Variants in PAFAH2 observed in about 807,000 individuals in gnomAD.
PAFAH2 encodes platelet activating factor acetylhydrolase 2.
Under a neutral mutation model 49.0 loss-of-function variants are expected in PAFAH2, and 42 were observed. The observed-to-expected ratio is 0.86, with a 90% CI of 0.67 to 1.11. The LOEUF (loss-of-function observed/expected upper bound fraction) is 1.11. Ranked by LOEUF, PAFAH2 falls within the 50% of genes least tolerant of loss-of-function variation. The pLI is 0.00. For missense variants in PAFAH2, 503 were observed against 501.8 expected, an observed-to-expected ratio of 1.00 and a Z score of -0.02; for synonymous variants, 184 against 181.3, an observed-to-expected ratio of 1.01 and a Z score of -0.12.
At chr1:25,983,786 A>G (rs2049733101) in intron 6 of PAFAH2, among the ~76,000 whole-genome samples, 160 bp downstream of exon 6, 1 of 152,178 alleles carries the variant, frequency 6.6e-6, no homozygotes, top group African/African-American at 2.4e-5. Flanking sequence ...AGCAATTGCA[A>G]GAGTCCTGAT....
chr1:25,996,326 C>T (rs949084654), intron 1 of PAFAH2, among the ~76,000 whole-genome samples: 6 of 152,180 alleles, frequency 3.9e-5, no homozygotes, highest in African/African-American at 1.4e-4. Context: ...GATTGTGCCA[C>T]TGCACTTCGG....
intron 7 of PAFAH2, among the ~76,000 whole-genome samples, chr1:25,977,756 C>A (rs1285075245): frequency 6.6e-6 from 1 of 152,002 alleles, no homozygotes; most frequent in East Asian, 1.9e-4. Context: ...TAAGGGCCAC[C>A]TCCATCCTCT....
At position 25,984,516 on chromosome 1, in the gene PAFAH2, T is replaced by C; in HGVS notation, c.354A>G (p.Ser118=). 1.2e-6 allele frequency: 2 copies of C among 1,613,546 alleles called. No homozygotes were observed. The highest frequency in any genetic ancestry group is 1.7e-6 in the Non-Finnish European group (2 of 1,179,650). The change falls in exon 5 of 11, where the codon TCA becomes TCG. Residue 118 remains serine (S), a synonymous_variant. Coordinates refer to ENST00000374282, the MANE Select transcript of PAFAH2 (RefSeq NM_000437.4). ...GTGAGGCCAGCTCCATGCAGAAGGC[T>C]GAATACAAAGTCCTGGAGATTCAAA... ...HGLGAFRTLY[S]AFCMELASRG...
rs1438445044 is a variant in PAFAH2 at position 25,979,716 on chromosome 1, C to T, written c.666+2648G>A. ...TGCTGGCCAGGCTGGTCTCGAACTC[C>T]TGACCTAAGGTGGTCCGCCCGCCTC... On this transcript the variant is annotated intron_variant, in intron 7 of 10. Transcript: ENST00000374282. 2.0e-5 allele frequency among the ~76,000 whole-genome samples: 3 copies of T among 152,296 alleles called. No homozygotes were observed. In the East Asian group the frequency reaches 5.8e-4, roughly 29 times the overall value.
At chr1:25,972,224 T>C (rs894308977) in intron 10 of PAFAH2, among the ~76,000 whole-genome samples, 1 of 151,742 alleles carries the variant, frequency 6.6e-6, no homozygotes, top group African/African-American at 2.4e-5. Context: ...GCCTCTCGAG[T>C]AGCTGGGACT....
intron 9 of PAFAH2, 111 bp downstream of exon 9, chr1:25,974,369 T>G (rs1199439791): frequency 6.3e-6 from 5 of 789,670 alleles, no homozygotes; most frequent in Admixed American, 6.8e-5. Flanking sequence ...CAGGAAGTAT[T>G]CAGGTATCCT....
chr1:25,977,820 G>A (rs891504167), intron 7 of PAFAH2, among the ~76,000 whole-genome samples: 2 of 152,128 alleles, frequency 1.3e-5, no homozygotes, highest in African/African-American at 2.4e-5. Flanking sequence ...GGACTGAGCT[G>A]AGGGTGAAAC....
In PAFAH2 at chr1:25,965,792, T is replaced by G. The variant is rs1173244417; in HGVS notation, c.1085-3709A>C. 3.6e-5 allele frequency among the ~76,000 whole-genome samples: 4 copies of G among 110,952 alleles called. No homozygotes were observed. The Admixed American group carries it at 4.0e-4, about 11-fold the overall frequency. The allele number at this position is 110,952 out of a possible 152,430, so 72.8% of individuals were successfully genotyped here. ...GAGATCACACCACTGCACTCCAGCC[T>G]GGGTGACAGAGCAAGACTTTGTCTC... is the stretch of plus-strand genomic sequence containing the variant. On this transcript the variant is annotated intron_variant, in intron 10 of 10. Transcript: ENST00000374282.
At chr1:25,973,189 T>C (rs2049536377) in intron 9 of PAFAH2, among the ~76,000 whole-genome samples, 1 of 152,198 alleles carries the variant, frequency 6.6e-6, no homozygotes, top group Non-Finnish European at 1.5e-5. Flanking sequence ...CTTGCCTTTA[T>C]TTAAACAATC....
At chr1:25,991,781 T>A (rs957022094) in intron 1 of PAFAH2, among the ~76,000 whole-genome samples, 2 of 151,962 alleles carry the variant, frequency 1.3e-5, no homozygotes, top group African/African-American at 4.8e-5. Flanking sequence ...TAGTCCCAGC[T>A]ACTCAGGAAG....
chr1:25,972,711 CA>C lies in PAFAH2; in HGVS notation c.930del (p.Gly311ValfsTer13). The C allele has an allele frequency of 6.2e-7, 1 of 1,613,898 alleles. No individual in the cohort carries two copies. Among genetic ancestry groups the C allele is most frequent in the Non-Finnish European group, 8.5e-7 (1 of 1,179,822 alleles). Reference sequence around the variant, plus strand: ...TCAGTTTGACTCCGATGAACAGAACCACTAGGGGAAAAGAAAAACAACTGGC... The same window carrying C: ...TCAGTTTGACTCCGATGAACAGAACCCTAGGGGAAAAGAAAAACAACTGGC... ...QHEQSRIITV[L>X]GSVHRSQTDF... On this transcript the variant is annotated frameshift_variant and splice_region_variant, in exon 10 of 11. Transcript: ENST00000374282. LOFTEE classifies it high-confidence loss of function.
chr1:25,965,120 C>A (rs1375239037), intron 10 of PAFAH2, among the ~76,000 whole-genome samples: 1 of 152,096 alleles, frequency 6.6e-6, no homozygotes, highest in East Asian at 1.9e-4. Flanking sequence ...ATACCTACAA[C>A]CAACTGATCT....
At chr1:25,990,045 G>A (rs1030408140) in intron 2 of PAFAH2, among the ~76,000 whole-genome samples, 1 of 152,102 alleles carries the variant, frequency 6.6e-6, no homozygotes, top group African/African-American at 2.4e-5. Flanking sequence ...GAGTAGGTGA[G>A]GGGTTACTAG....
intron 1 of PAFAH2, among the ~76,000 whole-genome samples, chr1:25,991,208 G>A (rs1414349876): frequency 2.6e-5 from 4 of 152,212 alleles, no homozygotes; most frequent in Middle Eastern, 3.4e-3. Context: ...CATTATTTAC[G>A]GTTAGCACTG....
chr1:25,989,415 G>C (rs199565221), intron 3 of PAFAH2, 33 bp downstream of exon 3: 1,414 of 1,522,656 alleles, frequency 9.3e-4, no homozygotes, highest in Middle Eastern at 2.1e-3. Flanking sequence ...CCAAGCAACT[G>C]GGAAAGCATG....
chr1:25,990,862 G>A lies in PAFAH2; in HGVS notation c.-46C>T, dbSNP rs2124368042. The stretch of plus-strand genomic sequence containing the variant: ...ATGACTTGCCGGAGCTGAACTTGCT[G>A]GCTGGATGGGGGAACACAGAACAGC... On this transcript the variant is annotated splice_region_variant and 5_prime_UTR_variant, in exon 2 of 11. Transcript: ENST00000374282. The A allele has an allele frequency of 6.7e-7, 1 of 1,494,414 alleles. No individual in the cohort carries two copies. Among genetic ancestry groups the A allele is most frequent in the Non-Finnish European group, 9.3e-7 (1 of 1,072,398 alleles). 92.6% of individuals were successfully genotyped at this position (1,494,414 alleles called of 1,614,324 possible). A position where few individuals can be genotyped will look rare whatever the true frequency, so the allele number is the denominator to read the frequency against.
rs952509532 is a variant in PAFAH2, at chr1:25,987,650, C to A, written c.341+581G>T. ...TCTCAGCACTTTTGGAAGGCTAGAA[C>A]GGGAGGATGGCTTGAGCTCAGGAAT... On this transcript the variant is annotated intron_variant, in intron 4 of 10. Coordinates refer to ENST00000374282, the MANE Select transcript of PAFAH2 (RefSeq NM_000437.4). 2.7e-5 allele frequency among the ~76,000 whole-genome samples: 4 copies of A among 150,678 alleles called. No individual in the cohort carries two copies. In the Admixed American group the frequency reaches 2.7e-4, roughly 10 times the overall value.
intron 2 of PAFAH2, among the ~76,000 whole-genome samples, chr1:25,990,518 G>C (rs769689028): frequency 6.6e-6 from 1 of 152,106 alleles, no homozygotes; most frequent in African/African-American, 2.4e-5. Flanking sequence ...GAAAATGAAC[G>C]CATTATCTCT....
intron 7 of PAFAH2, among the ~76,000 whole-genome samples, chr1:25,979,302 C>T (rs978604155): frequency 1.4e-5 from 2 of 147,572 alleles, no homozygotes; most frequent in Non-Finnish European, 3.0e-5. Context: ...GGACTGTAGC[C>T]TGCCATTTAC....
Sources: gnomAD v4.1 joint callset for allele counts (sites outside exome capture counted in the v4.1 genomes callset) on GRCh38, gnomAD v4.1.1 for gene constraint, MANE v1.5 for transcripts, NCBI Gene and HGNC (gene_info 2026-07-23, HGNC 2026-07-21) for gene names.